Variants in GLRX3 observed in about 807,000 individuals in gnomAD.
GLRX3 encodes glutaredoxin 3, also known as glutaredoxin-3.
GLRX3 carries 22 observed loss-of-function variants against 49.5 expected under a neutral mutation model. That is an observed-to-expected ratio of 0.44 (90% CI 0.32 to 0.63). The LOEUF (loss-of-function observed/expected upper bound fraction) is 0.63, where lower values mean the gene tolerates loss of function less well. GLRX3 is among the 30% of genes least tolerant of loss of function. The probability of loss-of-function intolerance (pLI) is 0.05; values close to 1 mark genes in which losing one functional copy is unlikely to be tolerated. For missense variants in GLRX3, 385 were observed against 396.3 expected, an observed-to-expected ratio of 0.97 and a Z score of 0.24; for synonymous variants, 133 against 140.0, an observed-to-expected ratio of 0.95 and a Z score of 0.35.
At chr10:130,145,528 G>T (rs1191759470) in intron 2 of GLRX3, among the ~76,000 whole-genome samples, 1 of 151,968 alleles carries the variant, frequency 6.6e-6, no homozygotes, top group African/African-American at 2.4e-5. Flanking sequence ...TGGGCGTGGT[G>T]GCGGGTGCCT....
chr10:130,169,084 A>C (rs1481621150), intron 6 of GLRX3, among the ~76,000 whole-genome samples: 1 of 152,176 alleles, frequency 6.6e-6, no homozygotes, highest in African/African-American at 2.4e-5. Context: ...GATGGTGCAC[A>C]CAAGATCTAG....
At chr10:130,166,323 A>C (rs1213179857) in intron 4 of GLRX3, among the ~76,000 whole-genome samples, 184 bp from the exon 5 acceptor site, 1 of 152,096 alleles carries the variant, frequency 6.6e-6, no homozygotes, top group African/African-American at 2.4e-5. Context: ...TTCAAGGTCA[A>C]ATAAGGGGAT....
At chr10:130,142,944 C>A (rs1428552427) in intron 1 of GLRX3, among the ~76,000 whole-genome samples, 1 of 152,240 alleles carries the variant, frequency 6.6e-6, no homozygotes, top group Non-Finnish European at 1.5e-5. Context: ...CCCTCTGTAA[C>A]CCTTTGCGGT....
intron 2 of GLRX3, among the ~76,000 whole-genome samples, chr10:130,149,959 C>T (rs536158699): frequency 3.3e-5 from 5 of 149,926 alleles, no homozygotes; most frequent in Admixed American, 6.6e-5. Flanking sequence ...AAAAATAGGG[C>T]CGGGCATGGT....
In GLRX3 at chr10:130,160,779, A is replaced by T; in HGVS notation, c.277-17A>T. On this transcript the variant is annotated splice_polypyrimidine_tract_variant and intron_variant, in intron 3 of 10. Coordinates refer to ENST00000331244, the MANE Select transcript of GLRX3 (RefSeq NM_006541.5). ...ATGGAATGCTGCATGTATTCTAAATAACTTTTTAAACTTTAGAATTCTCAG... is the reference window on the plus strand; with the variant it reads ...ATGGAATGCTGCATGTATTCTAAATTACTTTTTAAACTTTAGAATTCTCAG... The T allele has an allele frequency of 1.4e-6, 2 of 1,422,758 alleles. No individual in the cohort carries two copies. 88.1% of individuals were successfully genotyped at this position (1,422,758 alleles called of 1,614,324 possible).
intron 2 of GLRX3, among the ~76,000 whole-genome samples, chr10:130,157,802 G>A (rs1350602056): frequency 6.6e-6 from 1 of 152,078 alleles, no homozygotes; most frequent in African/African-American, 2.4e-5. Context: ...CACAGGGTAG[G>A]TCGCCCATGA....
At chr10:130,150,045 T>C (rs903679134) in intron 2 of GLRX3, among the ~76,000 whole-genome samples, 8 of 150,862 alleles carry the variant, frequency 5.3e-5, no homozygotes, top group Non-Finnish European at 1.0e-4. Flanking sequence ...GAGACCATCC[T>C]GGCTAACACG....
intron 10 of GLRX3, among the ~76,000 whole-genome samples, 156 bp downstream of exon 10, chr10:130,175,245 C>G (rs890212585): frequency 2.0e-5 from 3 of 152,254 alleles, no homozygotes; most frequent in African/African-American, 7.2e-5. Flanking sequence ...TTTCTGTGTG[C>G]ATGACTACCC....
At chr10:130,160,373 G>A (rs1192171115) in intron 3 of GLRX3, among the ~76,000 whole-genome samples, 2 of 152,158 alleles carry the variant, frequency 1.3e-5, no homozygotes, top group Non-Finnish European at 2.9e-5. Flanking sequence ...TGGTTAAATT[G>A]GTTGTTTAGA....
chr10:130,150,426 C>G (rs765259556), intron 2 of GLRX3, among the ~76,000 whole-genome samples: 9 of 152,052 alleles, frequency 5.9e-5, no homozygotes, highest in Non-Finnish European at 8.8e-5. Flanking sequence ...GTCAGACTTA[C>G]CAGCTAGCTG....
intron 4 of GLRX3, among the ~76,000 whole-genome samples, chr10:130,161,734 A>G (rs985480987): frequency 1.3e-5 from 2 of 152,198 alleles, no homozygotes; most frequent in Non-Finnish European, 2.9e-5. Flanking sequence ...TGAGCATTTA[A>G]TGCCATTTGA....
intron 2 of GLRX3, among the ~76,000 whole-genome samples, chr10:130,148,968 G>A (rs979480547): frequency 1.3e-5 from 2 of 152,090 alleles, no homozygotes; most frequent in Non-Finnish European, 2.9e-5. Flanking sequence ...TGTGGTGGGA[G>A]GATTGCTTAA....
At chr10:130,165,666 C>G (rs1188403627) in intron 4 of GLRX3, among the ~76,000 whole-genome samples, 2 of 152,106 alleles carry the variant, frequency 1.3e-5, no homozygotes, top group African/African-American at 4.8e-5. Context: ...AGAACACATG[C>G]CTTCTTGATT....
intron 2 of GLRX3, among the ~76,000 whole-genome samples, chr10:130,148,860 C>T (rs772978196): frequency 5.9e-5 from 9 of 151,680 alleles, no homozygotes; most frequent in East Asian, 1.9e-4. Flanking sequence ...GACAGGAGTT[C>T]GAGACCAGCC....
At position 130,145,241 on chromosome 10, in the gene GLRX3, A is replaced by G. The variant is rs770816758; in HGVS notation, c.123A>G (p.Pro41=). 3 of 1,531,220 alleles carry G rather than the reference A, an allele frequency of 2.0e-6. No individual in the cohort carries two copies. Among genetic ancestry groups the G allele is most frequent in the Non-Finnish European group, 2.7e-6 (3 of 1,111,278 alleles). The allele number at this position is 1,531,220 out of a possible 1,614,324, so 94.9% of individuals were successfully genotyped here. The change falls in exon 2 of 11, where the codon CCA becomes CCG. Residue 41 remains proline, a synonymous_variant. Coordinates refer to ENST00000331244, the MANE Select transcript of GLRX3 (RefSeq NM_006541.5). ...TCCTTGTGGTCCATTTCTGGGCACC[A>G]TGGGCTCCACAGTGTGCACAGATGA... The part of the protein sequence containing the change: ...KSLLVVHFWA[P]WAPQCAQMNE...
In GLRX3 at chr10:130,157,493, GCCCCCCCCCCCCCCCC is replaced by G. The variant is rs1161867057; in HGVS notation, c.202-2493_202-2478del. 1.7e-3 allele frequency among the ~76,000 whole-genome samples: 10 copies of G among 5,980 alleles called. 3 individuals carry two copies. Among genetic ancestry groups the G allele is most frequent in the East Asian group, 6.9e-3 (2 of 290 alleles). 3.9% of individuals were successfully genotyped at this position (5,980 alleles called of 152,430 possible). On this transcript the variant is annotated intron_variant, in intron 2 of 10. Transcript: ENST00000331244. The stretch of plus-strand genomic sequence containing the variant: ...TTCAACCTATTGGATGGTGGCCGCC[GCCCCCCCCCCCCCCCC>G]CCCCCCCCGCCCATATTGGGTGAGA...
chr10:130,168,084 C>T (rs1244181847), intron 6 of GLRX3, among the ~76,000 whole-genome samples: 2 of 152,214 alleles, frequency 1.3e-5, no homozygotes, highest in South Asian at 2.1e-4. Context: ...ATCAGACCTC[C>T]GTTTCCTAAT....
chr10:130,162,926 A>G (rs1862602333), intron 4 of GLRX3, among the ~76,000 whole-genome samples: 1 of 152,174 alleles, frequency 6.6e-6, no homozygotes, highest in Non-Finnish European at 1.5e-5. Context: ...GGGCCTTTTC[A>G]GTGTAGATAT....
chr10:130,172,523 C>T (rs1269076670), intron 8 of GLRX3, among the ~76,000 whole-genome samples: 1 of 152,158 alleles, frequency 6.6e-6, no homozygotes, highest in East Asian at 1.9e-4. Context: ...ATGATTGTAT[C>T]TTTTAAAAAT....
Sources: allele counts gnomAD v4.1 joint callset (sites outside exome capture counted in the v4.1 genomes callset), GRCh38; gene constraint gnomAD v4.1.1; transcripts MANE v1.5; gene names NCBI Gene and HGNC (gene_info 2026-07-23, HGNC 2026-07-21).